The following MGAT5 variants were observed in gnomAD, a reference collection of about 807,000 sequenced individuals.
The protein encoded by MGAT5 is alpha-1,6-mannosylglycoprotein 6-beta-N-acetylglucosaminyltransferase, also known as alpha-1,6-mannosylglycoprotein 6-beta-N-acetylglucosaminyltransferase A.
MGAT5 carries 30 observed loss-of-function variants against 94.3 expected under a neutral mutation model. The ratio of observed to expected loss-of-function variants is 0.32; its 90% confidence interval spans 0.24 to 0.43. MGAT5 has a LOEUF of 0.43. Ranked by LOEUF, MGAT5 falls within the 20% of genes least tolerant of loss-of-function variation. The probability of loss-of-function intolerance (pLI) is 1.00; values close to 1 mark genes in which losing one functional copy is unlikely to be tolerated. For synonymous variants in MGAT5, 310 were observed against 322.9 expected (o/e 0.96, Z 0.43); for missense variants, 691 against 905.5 (o/e 0.76, Z 3.04).
At chr2:134,386,883 A>G (rs755503) in intron 10 of MGAT5, among the ~76,000 whole-genome samples, 82,701 of 152,006 alleles carry the variant, frequency 0.54, 23,578 homozygotes, top group Non-Finnish European at 0.62. Flanking sequence ...TCTCAAAATA[A>G]GGAAAAGTTG....
At chr2:134,285,452 A>G (rs1250726509) in intron 2 of MGAT5, among the ~76,000 whole-genome samples, 1 of 152,108 alleles carries the variant, frequency 6.6e-6, no homozygotes, top group Non-Finnish European at 1.5e-5. Flanking sequence ...AAATCTTTGC[A>G]TTATTCTCTT....
At chr2:134,322,890 C>T (rs1473926600) in intron 4 of MGAT5, among the ~76,000 whole-genome samples, 1 of 152,104 alleles carries the variant, frequency 6.6e-6, no homozygotes, top group African/African-American at 2.4e-5. Context: ...TATTCTATTC[C>T]TAATCCTTAT....
At chr2:134,359,951 T>G (rs535688787) in intron 9 of MGAT5, among the ~76,000 whole-genome samples, 1 of 152,162 alleles carries the variant, frequency 6.6e-6, no homozygotes, top group African/African-American at 2.4e-5. Flanking sequence ...GAGCAAACCC[T>G]TATGTGGTCA....
At chr2:134,308,792 T>G (rs983126116) in intron 2 of MGAT5, among the ~76,000 whole-genome samples, 1 of 152,192 alleles carries the variant, frequency 6.6e-6, no homozygotes, top group Admixed American at 6.5e-5. Flanking sequence ...CCCAGCACTT[T>G]GGAAGGCTGA....
intron 1 of MGAT5, among the ~76,000 whole-genome samples, chr2:134,158,194 T>A (rs1415802661): frequency 6.6e-6 from 1 of 152,180 alleles, no homozygotes; most frequent in Non-Finnish European, 1.5e-5. Flanking sequence ...GGTGGGGTTT[T>A]ACCTTCCATC....
chr2:134,291,354 A>G (rs1032375294), intron 2 of MGAT5, among the ~76,000 whole-genome samples: 1 of 152,194 alleles, frequency 6.6e-6, no homozygotes, highest in African/African-American at 2.4e-5. Context: ...AGGAGAAGAT[A>G]GCTATTAGCT....
At chr2:134,251,922 C>A (rs1682629722), upstream of MGAT5, among the ~76,000 whole-genome samples, 1 of 152,178 alleles carries the variant, frequency 6.6e-6, no homozygotes, top group Admixed American at 6.5e-5. Flanking sequence ...CCCCTGGTAA[C>A]CACTGTTCTG....
chr2:134,311,638 G>A (rs1457320337), intron 2 of MGAT5, among the ~76,000 whole-genome samples: 2 of 152,110 alleles, frequency 1.3e-5, no homozygotes, highest in African/African-American at 4.8e-5. Context: ...CCACCTTTAA[G>A]CATTGGCAGA....
At chr2:134,204,558 A>C (rs962131703) in intron 1 of MGAT5, among the ~76,000 whole-genome samples, 4 of 152,162 alleles carry the variant, frequency 2.6e-5, no homozygotes, top group African/African-American at 9.7e-5. Flanking sequence ...AGAATTGGGC[A>C]CATAAAAAGA....
intron 1 of MGAT5, among the ~76,000 whole-genome samples, chr2:134,208,605 TTATAA>T (rs1680133860): frequency 6.6e-6 from 1 of 152,252 alleles, no homozygotes; most frequent in African/African-American, 2.4e-5. Context: ...ACTATAGTTG[TTATAA>T]TATAAATAAC....
At chr2:134,134,977 T>C (rs2104929269) in intron 1 of MGAT5, among the ~76,000 whole-genome samples, 1 of 152,348 alleles carries the variant, frequency 6.6e-6, no homozygotes, top group Non-Finnish European at 1.5e-5. Flanking sequence ...TGGAAACTCA[T>C]GTTACCTGTA....
At chr2:134,439,724 T>TAA (rs374099409) in intron 14 of MGAT5, among the ~76,000 whole-genome samples, 2,083 of 147,504 alleles carry the variant, frequency 0.014, 49 homozygotes, top group African/African-American at 0.049. Flanking sequence ...AGCACAAGGT[T>TAA]AAAAAAAAAA....
intron 14 of MGAT5, among the ~76,000 whole-genome samples, chr2:134,429,288 G>A (rs997292734): frequency 6.6e-6 from 1 of 152,376 alleles, no homozygotes; most frequent in Middle Eastern, 3.4e-3. Context: ...TTGATGGTTT[G>A]AGGAGACTGA....
intron 2 of MGAT5, among the ~76,000 whole-genome samples, chr2:134,316,170 T>C (rs1686985455): frequency 6.6e-6 from 1 of 152,172 alleles, no homozygotes; most frequent in Non-Finnish European, 1.5e-5. Flanking sequence ...ACTAAAATGG[T>C]CATTCCTACA....
chr2:134,280,557 T>A (rs1434667228), intron 2 of MGAT5, among the ~76,000 whole-genome samples: 1 of 152,252 alleles, frequency 6.6e-6, no homozygotes, highest in Non-Finnish European at 1.5e-5. Context: ...TAGTCAACGT[T>A]TACTGTGGAA....
rs114474487 is a variant in MGAT5, at chr2:134,145,891, G to A, written c.-143+25600G>A. Among the ~76,000 whole-genome samples the A allele has an allele frequency of 4.5e-3, 686 of 152,284 alleles. 2 individuals carry two copies. Among genetic ancestry groups the A allele is most frequent in the African/African-American group, 0.015 (630 of 41,562 alleles). On this transcript the variant is annotated intron_variant, in intron 1 of 16. Transcript: ENST00000409645. ...TTCCCCCAACCCCCAATCTCTTCAC[G>A]CTCACTCTTGTACATTTCCACCCTG...
chr2:134,196,445 ACT>A (rs1679499343), intron 1 of MGAT5, among the ~76,000 whole-genome samples: 1 of 151,944 alleles, frequency 6.6e-6, no homozygotes, highest in African/African-American at 2.4e-5. Context: ...TTTTTAAAAC[ACT>A]CTTTAAAATA....
At chr2:134,216,616 C>T (rs964280095) in intron 1 of MGAT5, among the ~76,000 whole-genome samples, 2 of 152,228 alleles carry the variant, frequency 1.3e-5, no homozygotes, top group Non-Finnish European at 2.9e-5. Context: ...ACCCAGGTTG[C>T]CCTGTGTGAT....
At chr2:134,381,345 A>AGATG (rs1681535364) in intron 10 of MGAT5, among the ~76,000 whole-genome samples, 1 of 82,096 alleles carries the variant, frequency 1.2e-5, no homozygotes, top group African/African-American at 4.7e-5. Flanking sequence ...ATAGATAGAT[A>AGATG]GATAGATAGA....
Sources: gnomAD v4.1 joint callset for allele counts (sites outside exome capture counted in the v4.1 genomes callset) on GRCh38, gnomAD v4.1.1 for gene constraint, MANE v1.5 for transcripts, NCBI Gene and HGNC (gene_info 2026-07-23, HGNC 2026-07-21) for gene names.